The following ARLN variants were observed in gnomAD, a reference collection of about 807,000 sequenced individuals.
ARLN encodes the protein allregulin, also known as sarcoplasmic/endoplasmic reticulum calcium ATPase regulator ARLN.
the ARLN span, chr4:119,300,294 C>A: frequency 6.6e-7 from 1 of 1,519,764 alleles, no homozygotes; most frequent in Non-Finnish European, 9.0e-7. Context: ...CAAATGATCT[C>A]TAAGCTCCTT....
the ARLN span, chr4:119,298,745 A>T: frequency 3.9e-6 from 3 of 773,406 alleles, no homozygotes; most frequent in Non-Finnish European, 7.2e-6. Flanking sequence ...TTCACTCAAG[A>T]ACCAACTTCT....
the ARLN span, among the ~76,000 whole-genome samples, chr4:119,303,231 CTTTTTTT>C: frequency 9.0e-6 from 1 of 111,366 alleles, no homozygotes. Flanking sequence ...CTCTTCAATT[CTTTTTTT>C]TTTTTTTTTT....
chr4:119,296,830 CAT>C, the ARLN span: 1 of 152,164 alleles, frequency 6.6e-6, no homozygotes, highest in South Asian at 2.1e-4. Context: ...ATCAAGATGA[CAT>C]ATAAAATTAA....
At chr4:119,299,846 T>C in the ARLN span, among the ~76,000 whole-genome samples, 1 of 152,134 alleles carries the variant, frequency 6.6e-6, no homozygotes, top group East Asian at 1.9e-4. Context: ...TTTGGACATG[T>C]TTAGTTTGAG....
chr4:119,298,771 C>T, the ARLN span: 351 of 774,890 alleles, frequency 4.5e-4, 2 homozygotes, highest in African/African-American at 5.4e-3. Flanking sequence ...TAGATATCAG[C>T]GAACAAGTCT....
chr4:119,300,136 T>G, the ARLN span, among the ~76,000 whole-genome samples: 2 of 151,800 alleles, frequency 1.3e-5, no homozygotes, highest in Admixed American at 1.3e-4. Context: ...TCCACACTTC[T>G]TTGGAGACTC....
the ARLN span, among the ~76,000 whole-genome samples, chr4:119,302,677 A>G: frequency 6.6e-6 from 1 of 152,256 alleles, no homozygotes; most frequent in Non-Finnish European, 1.5e-5. Context: ...ACTGAAAAAT[A>G]TGCACCAGGG....
chr4:119,300,008 A>G, the ARLN span, among the ~76,000 whole-genome samples: 2 of 152,108 alleles, frequency 1.3e-5, no homozygotes, highest in African/African-American at 4.8e-5. Context: ...CAAATGGCAG[A>G]TGAAAAAATA....
At chr4:119,298,126 G>GT in the ARLN span, 1 of 152,100 alleles carries the variant, frequency 6.6e-6, no homozygotes, top group Admixed American at 6.5e-5. Flanking sequence ...AGGCTCAAGA[G>GT]TTTAAAAGGA....
the ARLN span, chr4:119,298,787 A>C: frequency 1.3e-6 from 1 of 776,038 alleles, no homozygotes; most frequent in Non-Finnish European, 2.4e-6. Context: ...AGTCTGTAAA[A>C]AGCAAGTATT....
At chr4:119,300,250 C>A in the ARLN span, 420 of 1,104,008 alleles carry the variant, frequency 3.8e-4, 7 homozygotes, top group South Asian at 5.8e-3. Context: ...TATAAACTCT[C>A]TGGAATTCAG....
chr4:119,300,587 C>A, the ARLN span: 1 of 1,613,476 alleles, frequency 6.2e-7, no homozygotes, highest in Non-Finnish European at 8.5e-7. Flanking sequence ...GCTTAAGTTC[C>A]CGGACTTTGG....
the ARLN span, chr4:119,300,723 C>A: frequency 6.6e-7 from 1 of 1,521,594 alleles, no homozygotes; most frequent in Non-Finnish European, 8.8e-7. Context: ...TTTCCGCTGC[C>A]TCCGTGACCG....
At chr4:119,303,030 A>T in the ARLN span, among the ~76,000 whole-genome samples, 15 of 152,136 alleles carry the variant, frequency 9.9e-5, no homozygotes, top group Non-Finnish European at 2.2e-4. Flanking sequence ...CCAACAGTGG[A>T]GAATTTGGTT....
the ARLN span, among the ~76,000 whole-genome samples, chr4:119,299,141 TAGTGGCACGTTCAC>T: frequency 6.6e-6 from 1 of 152,140 alleles, no homozygotes; most frequent in Admixed American, 6.5e-5. Context: ...GACTGGAGTA[TAGTGGCACGTTCAC>T]AGCTCACTGA....
chr4:119,300,738 C>A, the ARLN span: 3 of 1,510,430 alleles, frequency 2.0e-6, no homozygotes, highest in Admixed American at 2.1e-5. Context: ...TGACCGCTGG[C>A]ATGAAGCGCG....
the ARLN span, chr4:119,304,391 C>T: frequency 6.5e-7 from 1 of 1,536,838 alleles, no homozygotes; most frequent in South Asian, 1.2e-5. Flanking sequence ...CTATTATTTC[C>T]CTCTACATTC....
chr4:119,300,937 T>TGGCA, the ARLN span: 1 of 852,448 alleles, frequency 1.2e-6, no homozygotes, highest in Non-Finnish European at 1.7e-6. Flanking sequence ...CGTATTCCGT[T>TGGCA]TGGATCCTTA....
At chr4:119,299,422 T>TAAC in the ARLN span, among the ~76,000 whole-genome samples, 1 of 152,152 alleles carries the variant, frequency 6.6e-6, no homozygotes, top group African/African-American at 2.4e-5. Context: ...ACTAAGGAGT[T>TAAC]AACAGTGAGT....
Sources: allele counts gnomAD v4.1 joint callset (sites outside exome capture counted in the v4.1 genomes callset), GRCh38; gene constraint gnomAD v4.1.1; transcripts MANE v1.5; gene names NCBI Gene and HGNC (gene_info 2026-07-23, HGNC 2026-07-21).